Variants in SGK1 observed in about 807,000 individuals in gnomAD.
SGK1 encodes serine/threonine-protein kinase Sgk1.
SGK1 carries 26 observed loss-of-function variants against 64.2 expected under a neutral mutation model. The observed-to-expected ratio is 0.40, with a 90% CI of 0.30 to 0.56. SGK1 has a LOEUF of 0.56. Among genes scored for constraint, SGK1 ranks in the 20% least tolerant of loss-of-function variants. SGK1 has a pLI of 0.38. For synonymous variants in SGK1, 265 were observed against 239.7 expected (o/e 1.11, Z -0.98); for missense variants, 519 against 645.6 (o/e 0.80, Z 2.12).
chr6:134,229,489 C>A (rs1347827035), intron 2 of SGK1, among the ~76,000 whole-genome samples: 3 of 152,182 alleles, frequency 2.0e-5, no homozygotes, highest in Admixed American at 1.3e-4. Flanking sequence ...GTGACAATTC[C>A]ATTTAGATTG....
At chr6:134,305,572 C>CA (rs11403837) in intron 1 of SGK1, among the ~76,000 whole-genome samples, 60,135 of 118,456 alleles carry the variant, frequency 0.51, 13,384 homozygotes, top group East Asian at 0.77. Context: ...GACCCTGTCT[C>CA]AAAAAAAAAA....
intron 2 of SGK1, among the ~76,000 whole-genome samples, chr6:134,252,247 C>G (rs931861433): frequency 2.6e-5 from 4 of 152,126 alleles, no homozygotes; most frequent in Admixed American, 2.6e-4. Context: ...ACAGGGGTGA[C>G]CTCCTGGCTC....
intron 3 of SGK1, chr6:134,175,007 T>G (rs1393247008): frequency 4.5e-6 from 5 of 1,112,210 alleles, no homozygotes; most frequent in Non-Finnish European, 6.1e-6. Flanking sequence ...CTACGCTGCC[T>G]GCGGCGGGCG....
intron 1 of SGK1, among the ~76,000 whole-genome samples, chr6:134,290,123 C>G (rs1777241724): frequency 7.0e-6 from 1 of 143,386 alleles, no homozygotes; most frequent in Non-Finnish European, 1.5e-5. Flanking sequence ...GCACTCCAGC[C>G]TGGGCAACAA....
At chr6:134,305,556 G>A (rs1361023730) in intron 1 of SGK1, among the ~76,000 whole-genome samples, 2 of 140,780 alleles carry the variant, frequency 1.4e-5, no homozygotes, top group African/African-American at 2.7e-5. Flanking sequence ...CTGGGTGACA[G>A]AGCGAGACCC....
intron 1 of SGK1, among the ~76,000 whole-genome samples, chr6:134,286,597 G>A (rs1316817201): frequency 6.7e-6 from 1 of 150,046 alleles, no homozygotes; most frequent in Admixed American, 6.7e-5. Context: ...CTCCAGATTA[G>A]CTGGGACTAC....
At chr6:134,214,641 A>G (rs552905414) in intron 2 of SGK1, among the ~76,000 whole-genome samples, 4 of 49,234 alleles carry the variant, frequency 8.1e-5, no homozygotes, top group Non-Finnish European at 1.4e-4. Flanking sequence ...GACAGCATGT[A>G]CATTCTGAAA....
chr6:134,249,978 C>T (rs1346157684), intron 2 of SGK1, among the ~76,000 whole-genome samples: 1 of 152,200 alleles, frequency 6.6e-6, no homozygotes, highest in Admixed American at 6.5e-5. Context: ...CTGCTCCCCA[C>T]GTTACTTAAC....
At chr6:134,293,882 T>G (rs772935015) in intron 1 of SGK1, among the ~76,000 whole-genome samples, 2 of 152,162 alleles carry the variant, frequency 1.3e-5, no homozygotes, top group African/African-American at 2.4e-5. Flanking sequence ...CAGTAACAAT[T>G]TGACATCCCA....
chr6:134,196,210 G>T (rs551450679), intron 3 of SGK1, among the ~76,000 whole-genome samples: 6 of 152,134 alleles, frequency 3.9e-5, no homozygotes, highest in Non-Finnish European at 5.9e-5. Flanking sequence ...ACTCTGGAGG[G>T]TGAGGCGGGA....
chr6:134,256,730 C>A (rs1200430660), intron 2 of SGK1, among the ~76,000 whole-genome samples: 1 of 152,210 alleles, frequency 6.6e-6, no homozygotes, highest in African/African-American at 2.4e-5. Context: ...TCTAAGTTAT[C>A]ATCTTTCCCA....
rs370252727 is a variant in SGK1 at position 134,170,933 on chromosome 6, A to C, written c.1324-18T>G. ...ATCTCCATCTGTTGATAAGAAACCC[A>C]AGATTAATTTAGACAGGTGCATTCA... On this transcript the variant is annotated intron_variant, in intron 12 of 13. Coordinates refer to ENST00000367858, the MANE Select transcript of SGK1 (RefSeq NM_001143676.3). 2.5e-6 allele frequency: 4 copies of C among 1,608,792 alleles called. No individual in the cohort carries two copies.
At position 134,262,054 on chromosome 6, in the gene SGK1, G is replaced by C. The variant is rs746345368; in HGVS notation, c.164C>G (p.Pro55Arg). ...GGAAGACTCGAAGTCTGGCTCCCCT[G>C]GAGGGATGTGCACCATGGAGGAGCC... ...YTGSSMVHIP[P>R]GEPDFESSLC... The change falls in exon 2 of 14, where the codon CCA (proline) becomes CGA (arginine). Residue 55 changes from proline (P) to arginine (R), a missense_variant. Transcript: ENST00000367858. The C allele has an allele frequency of 6.2e-7, 1 of 1,613,824 alleles. No homozygotes were observed. Among genetic ancestry groups the C allele is most frequent in the East Asian group, 2.2e-5 (1 of 44,880 alleles).
intron 3 of SGK1, among the ~76,000 whole-genome samples, chr6:134,191,304 C>G (rs1333102199): frequency 1.3e-5 from 2 of 152,144 alleles, no homozygotes; most frequent in Non-Finnish European, 2.9e-5. Context: ...TCTTAAGAAA[C>G]AGGAACATCC....
intron 2 of SGK1, chr6:134,260,789 A>G (rs1776756136): frequency 6.6e-6 from 1 of 150,816 alleles, no homozygotes; most frequent in Admixed American, 6.6e-5. Flanking sequence ...TAGCAGCTAA[A>G]TGATTATTTT....
chr6:134,237,216 G>A (rs1462297391), intron 2 of SGK1, among the ~76,000 whole-genome samples: 2 of 151,580 alleles, frequency 1.3e-5, no homozygotes, highest in East Asian at 2.0e-4. Context: ...CACCATGCCC[G>A]GCTAATTTTT....
intron 1 of SGK1, among the ~76,000 whole-genome samples, chr6:134,306,189 G>A (rs1777532324): frequency 2.0e-5 from 3 of 152,170 alleles, no homozygotes; most frequent in Non-Finnish European, 4.4e-5. Context: ...TTGGGAGGCC[G>A]AGGTGGGTGG....
At chr6:134,294,548 T>G (rs1777316094) in intron 1 of SGK1, among the ~76,000 whole-genome samples, 1 of 152,212 alleles carries the variant, frequency 6.6e-6, no homozygotes, top group Non-Finnish European at 1.5e-5. Context: ...TTTTATTTCA[T>G]TTTTGAAATG....
intron 3 of SGK1, chr6:134,177,587 C>T (rs1463902997): frequency 2.6e-6 from 3 of 1,135,644 alleles, no homozygotes; most frequent in Non-Finnish European, 4.0e-6. Context: ...TACACCCCAC[C>T]TTATGTGCCT....
Sources: allele counts gnomAD v4.1 joint callset (sites outside exome capture counted in the v4.1 genomes callset), GRCh38; gene constraint gnomAD v4.1.1; transcripts MANE v1.5; gene names NCBI Gene and HGNC (gene_info 2026-07-23, HGNC 2026-07-21).